MALRD1: variants seen among roughly 807,000 people sequenced by gnomAD.
The protein encoded by MALRD1 is MAM and LDL receptor class A domain containing 1.
A neutral mutation model predicts 242.1 loss-of-function variants in MALRD1; 247 were observed. The ratio of observed to expected loss-of-function variants is 1.02; its 90% CI spans 0.92 to 1.13. MALRD1 has a LOEUF of 1.13. Ranked by LOEUF, MALRD1 falls within the 50% of genes most tolerant of loss-of-function variation. The pLI is 0.00. For missense variants in MALRD1, 2,989 were observed against 2,533.1 expected (o/e 1.18, Z -3.86); for synonymous variants, 995 against 866.6 (o/e 1.15, Z -2.60).
chr10:19,172,062 ATGTGATATATATCATATATCACATATG>A (rs1564441584), intron 13 of MALRD1, among the ~76,000 whole-genome samples: 2 of 72,058 alleles, frequency 2.8e-5, no homozygotes, highest in Non-Finnish European at 5.4e-5. Flanking sequence ...TATCACATAT[ATGTGATATATATCATATATCACATATG>A]TGTATATGTA....
At chr10:19,505,415 C>A (rs1362548107) in intron 31 of MALRD1, among the ~76,000 whole-genome samples, 1 of 152,018 alleles carries the variant, frequency 6.6e-6, no homozygotes, top group Non-Finnish European at 1.5e-5. Context: ...GAAGGAGAAA[C>A]ACCAGGAATC....
At chr10:19,565,650 A>C (rs1052713518) in intron 32 of MALRD1, among the ~76,000 whole-genome samples, 4 of 152,206 alleles carry the variant, frequency 2.6e-5, no homozygotes, top group African/African-American at 7.2e-5. Context: ...CCAAGTATCC[A>C]CCAGATCCTG....
rs574273877 is a variant in MALRD1, at chr10:19,096,784, A to G, written c.598-7195A>G. On this transcript the variant is annotated intron_variant, in intron 4 of 39. Coordinates refer to ENST00000454679, the MANE Select transcript of MALRD1 (RefSeq NM_001142308.3). The stretch of plus-strand genomic sequence containing the variant: ...TTCCATGCTGGCTTCTAATAGCTTA[A>G]AAGCCATGCATCCTTCCTTTAAAAA... 1.4e-4 allele frequency among the ~76,000 whole-genome samples: 21 copies of G among 152,304 alleles called. No homozygotes were observed. In the South Asian group the frequency reaches 4.4e-3, roughly 32 times the overall value.
intron 26 of MALRD1, among the ~76,000 whole-genome samples, chr10:19,378,787 T>C (rs887551635): frequency 3.9e-5 from 6 of 152,112 alleles, no homozygotes; most frequent in Non-Finnish European, 8.8e-5. Flanking sequence ...GTCATGTATT[T>C]TTCTGTTTTT....
chr10:19,402,960 G>A (rs1442101663), intron 28 of MALRD1, among the ~76,000 whole-genome samples: 1 of 151,964 alleles, frequency 6.6e-6, no homozygotes, highest in African/African-American at 2.4e-5. Context: ...ATTTAGTTTT[G>A]TGTCCTCCGT....
chr10:19,478,809 A>G (rs1466721486), intron 29 of MALRD1, among the ~76,000 whole-genome samples: 1 of 152,138 alleles, frequency 6.6e-6, no homozygotes, highest in East Asian at 1.9e-4. Context: ...AACACATCAC[A>G]TTTCAGAAAT....
chr10:19,652,868 T>G (rs918008966), intron 36 of MALRD1, among the ~76,000 whole-genome samples: 1 of 152,216 alleles, frequency 6.6e-6, no homozygotes, highest in African/African-American at 2.4e-5. Flanking sequence ...AAAGACAGTC[T>G]GACAAAAAGC....
chr10:19,161,028 A>G lies in MALRD1; in HGVS notation c.1657-4609A>G, dbSNP rs1486906494. Reference sequence around the variant, plus strand: ...GTATATACCCAAATGAGTATAAATCATGCTGCTATAAAGACACATGCACAC... The same window carrying G: ...GTATATACCCAAATGAGTATAAATCGTGCTGCTATAAAGACACATGCACAC... On this transcript the variant is annotated intron_variant, in intron 12 of 39. Coordinates refer to ENST00000454679, the MANE Select transcript of MALRD1 (RefSeq NM_001142308.3). Among the ~76,000 whole-genome samples the G allele has an allele frequency of 4.0e-5, 6 of 151,588 alleles. No homozygotes were observed. In the East Asian group the frequency reaches 1.2e-3, roughly 29 times the overall value.
intron 4 of MALRD1, among the ~76,000 whole-genome samples, chr10:19,101,624 A>G (rs1836260504): frequency 7.4e-6 from 1 of 135,668 alleles, no homozygotes; most frequent in Non-Finnish European, 1.5e-5. Flanking sequence ...ATACATATAT[A>G]CATATGCAAA....
chr10:19,280,894 T>G (rs558578204), intron 20 of MALRD1, among the ~76,000 whole-genome samples: 1 of 152,318 alleles, frequency 6.6e-6, no homozygotes, highest in Non-Finnish European at 1.5e-5. Context: ...GAAATATCTT[T>G]CCCTTCCCTG....
chr10:19,565,864 G>A (rs952148374), intron 32 of MALRD1, among the ~76,000 whole-genome samples: 4 of 152,094 alleles, frequency 2.6e-5, no homozygotes, highest in South Asian at 2.1e-4. Context: ...CACATTTCAG[G>A]TTTCCAAACT....
chr10:19,445,685 C>T (rs558060358), intron 28 of MALRD1, among the ~76,000 whole-genome samples: 2 of 152,306 alleles, frequency 1.3e-5, no homozygotes, highest in African/African-American at 4.8e-5. Context: ...CAGAGGGGCA[C>T]CCAGCTGTGT....
intron 29 of MALRD1, among the ~76,000 whole-genome samples, chr10:19,462,265 A>C (rs1296843245): frequency 6.6e-6 from 1 of 152,216 alleles, no homozygotes; most frequent in Non-Finnish European, 1.5e-5. Flanking sequence ...TGAAGCCGTC[A>C]CACTCAGAGC....
At chr10:19,682,371 G>A (rs567324531) in intron 36 of MALRD1, among the ~76,000 whole-genome samples, 6 of 152,252 alleles carry the variant, frequency 3.9e-5, no homozygotes, top group African/African-American at 9.6e-5. Flanking sequence ...AAACTCCTTC[G>A]TTATAACCTA....
At chr10:19,097,270 A>G (rs966048669) in intron 4 of MALRD1, among the ~76,000 whole-genome samples, 1 of 152,152 alleles carries the variant, frequency 6.6e-6, no homozygotes. Context: ...TCAGATCTCA[A>G]TTACTGAGTC....
chr10:19,517,843 G>T (rs1833705677), intron 31 of MALRD1, among the ~76,000 whole-genome samples: 2 of 152,150 alleles, frequency 1.3e-5, no homozygotes, highest in Admixed American at 1.3e-4. Context: ...CTTAATGCTT[G>T]GTCACTTGGT....
At chr10:19,177,128 A>G (rs1487757700) in intron 14 of MALRD1, among the ~76,000 whole-genome samples, 1 of 151,808 alleles carries the variant, frequency 6.6e-6, no homozygotes, top group Non-Finnish European at 1.5e-5. Context: ...AATACAAAAA[A>G]ATTAGCCAGG....
At chr10:19,583,373 C>G (rs1243740006) in intron 33 of MALRD1, among the ~76,000 whole-genome samples, 1 of 150,782 alleles carries the variant, frequency 6.6e-6, no homozygotes. Context: ...TCGTAGATAG[C>G]TCTTATTATT....
chr10:19,730,770 G>A lies in MALRD1; in HGVS notation c.6379G>A (p.Glu2127Lys). The change falls in exon 39 of 40, where the codon GAG (glutamate) becomes AAG (lysine). Residue 2127 changes from glutamate (E) to lysine (K), a missense_variant. Transcript: ENST00000454679. ...NPVYGNWSNP[E>K]KTESSVYSFS... is the part of the protein sequence containing the mutation. ...AGTTTACGGGAACTGGAGCAACCCA[G>A]AGAAAACAGAGGTAAGTGGCAAGGG... 1 of 1,536,614 alleles carries A rather than the reference G, an allele frequency of 6.5e-7. No homozygotes were observed. The highest frequency in any genetic ancestry group is 8.7e-7 in the Non-Finnish European group (1 of 1,147,006).
Sources: gnomAD v4.1 joint callset for allele counts (sites outside exome capture counted in the v4.1 genomes callset) on GRCh38, gnomAD v4.1.1 for gene constraint, MANE v1.5 for transcripts, NCBI Gene and HGNC (gene_info 2026-07-23, HGNC 2026-07-21) for gene names.